The following LPP variants were observed in gnomAD, a reference collection of about 807,000 sequenced individuals.
LPP encodes the protein lipoma-preferred partner.
LPP carries 38 observed loss-of-function variants against 60.4 expected under a neutral mutation model. The observed-to-expected ratio is 0.63, with a 90% CI of 0.49 to 0.83. The LOEUF is 0.83. Ranked by LOEUF, LPP falls within the 40% of genes least tolerant of loss-of-function variation. The pLI is 0.00. For synonymous variants in LPP, 328 were observed against 290.8 expected (o/e 1.13, Z -1.30); for missense variants, 902 against 783.6 (o/e 1.15, Z -1.80).
chr3:188,290,116 G>A (rs1745439628), intron 2 of LPP, among the ~76,000 whole-genome samples: 1 of 152,014 alleles, frequency 6.6e-6, no homozygotes, highest in Non-Finnish European at 1.5e-5. Flanking sequence ...GGGACTATAG[G>A]CGCATGCCAC....
chr3:188,408,220 G>A (rs1286441799), intron 4 of LPP, among the ~76,000 whole-genome samples: 1 of 152,138 alleles, frequency 6.6e-6, no homozygotes, highest in Non-Finnish European at 1.5e-5. Context: ...CAGTTATAGA[G>A]CAGAAGGCAA....
intron 6 of LPP, among the ~76,000 whole-genome samples, chr3:188,580,349 T>C (rs986262075): frequency 6.6e-6 from 1 of 152,208 alleles, no homozygotes; most frequent in African/African-American, 2.4e-5. Flanking sequence ...TCTTTAATCA[T>C]GTTTTTCTCT....
chr3:188,684,565 T>G (rs545088606), intron 7 of LPP, among the ~76,000 whole-genome samples: 1 of 152,198 alleles, frequency 6.6e-6, no homozygotes, highest in African/African-American at 2.4e-5. Flanking sequence ...CCAGGTCTTA[T>G]GTCAAAACTT....
chr3:188,699,318 G>A (rs765237891), intron 7 of LPP, among the ~76,000 whole-genome samples: 1 of 152,174 alleles, frequency 6.6e-6, no homozygotes, highest in Non-Finnish European at 1.5e-5. Context: ...ACCCTTGTGT[G>A]CAGAGACCAG....
intron 2 of LPP, among the ~76,000 whole-genome samples, chr3:188,334,821 C>T (rs1482436466): frequency 6.6e-6 from 1 of 152,146 alleles, no homozygotes; most frequent in Non-Finnish European, 1.5e-5. Context: ...GTATGAATTC[C>T]CTTTTCTTTG....
intron 4 of LPP, among the ~76,000 whole-genome samples, chr3:188,439,219 T>C (rs752092312): frequency 5.9e-5 from 9 of 152,198 alleles, no homozygotes; most frequent in Admixed American, 1.3e-4. Context: ...CCTGGAAATT[T>C]TCCCTCTGTT....
intron 7 of LPP, among the ~76,000 whole-genome samples, chr3:188,706,675 TACAGGATTTTCAC>T (rs1865538293): frequency 6.6e-6 from 1 of 152,238 alleles, no homozygotes; most frequent in African/African-American, 2.4e-5. Context: ...ATTTGTACTT[TACAGGATTTTCAC>T]GTCCAAGAGC....
chr3:188,586,608 T>C (rs181095198), intron 6 of LPP, among the ~76,000 whole-genome samples: 98 of 152,294 alleles, frequency 6.4e-4, no homozygotes, highest in Admixed American at 1.4e-3. Context: ...TAAAACATGC[T>C]TAGAGAAAAG....
intron 9 of LPP, among the ~76,000 whole-genome samples, chr3:188,790,730 G>A (rs1046456494): frequency 2.0e-5 from 3 of 151,836 alleles, no homozygotes; most frequent in African/African-American, 4.8e-5. Context: ...GCTGAGGCAG[G>A]AGAGTCGCTT....
At position 188,825,283 on chromosome 3, in the gene LPP, G is replaced by C. The variant is rs943062447; in HGVS notation, c.1411-40917G>C. The stretch of plus-strand genomic sequence containing the variant: ...TCTCTCTCTCTCTGTGTGTGTGTGT[G>C]TGTGTGTGTGTGTGTGTGTGTGTGT... On this transcript the variant is annotated intron_variant, in intron 9 of 11. Coordinates refer to ENST00000617246, the MANE Select transcript of LPP (RefSeq NM_001375462.1). Among the ~76,000 whole-genome samples the C allele has an allele frequency of 5.0e-4, 71 of 141,676 alleles. 1 individual carries two copies. The highest frequency in any genetic ancestry group is 1.4e-3 in the African/African-American group (46 of 33,696). 92.9% of individuals were successfully genotyped at this position (141,676 alleles called of 152,430 possible). A position where few individuals can be genotyped will look rare whatever the true frequency, so the allele number is the denominator to read the frequency against.
At chr3:188,539,461 ACCCGTAT>A (rs1305742693) in intron 6 of LPP, among the ~76,000 whole-genome samples, 1 of 152,078 alleles carries the variant, frequency 6.6e-6, no homozygotes, top group East Asian at 1.9e-4. Context: ...CAGAATGAAA[ACCCGTAT>A]CTAGGAACTG....
At chr3:188,247,748 G>T (rs558132648) in intron 2 of LPP, among the ~76,000 whole-genome samples, 1 of 150,552 alleles carries the variant, frequency 6.6e-6, no homozygotes, top group Non-Finnish European at 1.5e-5. Flanking sequence ...GCAGTGAGAC[G>T]AGATTGCGCC....
chr3:188,319,640 A>C (rs1365028889), intron 2 of LPP, among the ~76,000 whole-genome samples: 1 of 152,322 alleles, frequency 6.6e-6, no homozygotes, highest in African/African-American at 2.4e-5. Context: ...TTCATTCCCC[A>C]ATAATGTTTG....
At chr3:188,509,867 T>G (rs371053704) in intron 5 of LPP, among the ~76,000 whole-genome samples, 6,360 of 97,074 alleles carry the variant, frequency 0.066, 189 homozygotes, top group South Asian at 0.11. Context: ...TAATTTTTTT[T>G]TTGTTGTTTT....
At position 188,367,176 on chromosome 3, in the gene LPP, G is replaced by A. The variant is rs529012785; in HGVS notation, c.-10+25457G>A. 2.0e-5 allele frequency among the ~76,000 whole-genome samples: 3 copies of A among 152,170 alleles called. No homozygotes were observed. In the South Asian group the frequency reaches 6.2e-4, roughly 32 times the overall value. ...CTCCCAAAGTGCTGGGATTACAGGCGTGAGCCACTGCACCTGGCCAGAAAG... is the reference window on the plus strand; with the variant it reads ...CTCCCAAAGTGCTGGGATTACAGGCATGAGCCACTGCACCTGGCCAGAAAG... On this transcript the variant is annotated intron_variant, in intron 3 of 11. Transcript: ENST00000617246.
At chr3:188,199,103 G>A (rs893927835) in intron 1 of LPP, among the ~76,000 whole-genome samples, 2 of 152,142 alleles carry the variant, frequency 1.3e-5, no homozygotes, top group African/African-American at 4.8e-5. Flanking sequence ...CATCTGAGAC[G>A]TTAACCAGGC....
chr3:188,460,916 T>C (rs2149430570), intron 4 of LPP, among the ~76,000 whole-genome samples: 1 of 152,222 alleles, frequency 6.6e-6, no homozygotes, highest in Admixed American at 6.5e-5. Flanking sequence ...AAAGAGATAC[T>C]CTCATCTGGA....
chr3:188,387,222 A>G (rs1778529053), intron 3 of LPP, among the ~76,000 whole-genome samples: 1 of 152,100 alleles, frequency 6.6e-6, no homozygotes, highest in African/African-American at 2.4e-5. Context: ...CAGAACATGT[A>G]GGTGTAAAAT....
At chr3:188,834,494 C>G (rs1353487553) in intron 9 of LPP, among the ~76,000 whole-genome samples, 2 of 151,842 alleles carry the variant, frequency 1.3e-5, no homozygotes, top group Admixed American at 6.6e-5. Context: ...GTGCTACCAG[C>G]CTTCCCCACC....
Sources: gnomAD v4.1 joint callset for allele counts (sites outside exome capture counted in the v4.1 genomes callset) on GRCh38, gnomAD v4.1.1 for gene constraint, MANE v1.5 for transcripts, NCBI Gene and HGNC (gene_info 2026-07-23, HGNC 2026-07-21) for gene names.